DEPDC5: variants seen among roughly 807,000 people sequenced by gnomAD.
The protein encoded by DEPDC5 is GATOR1 complex protein DEPDC5.
A neutral mutation model predicts 217.3 loss-of-function variants in DEPDC5; 73 were observed. The ratio of observed to expected loss-of-function variants is 0.34; its 90% CI spans 0.28 to 0.41. The LOEUF (loss-of-function observed/expected upper bound fraction) is 0.41. Ranked by LOEUF, DEPDC5 falls within the 10% of genes least tolerant of loss-of-function variation. The pLI is 1.00. For synonymous variants in DEPDC5, 733 were observed against 756.7 expected (o/e 0.97, Z 0.51); for missense variants, 1,675 against 2,070.1 (o/e 0.81, Z 3.70).
intron 19 of DEPDC5, among the ~76,000 whole-genome samples, chr22:31,810,197 C>G (rs938512894): frequency 6.6e-6 from 1 of 152,124 alleles, no homozygotes; most frequent in Non-Finnish European, 1.5e-5. Context: ...TTTTAAACTA[C>G]TAAACATATT....
chr22:31,796,491 C>T (rs1301740576), intron 12 of DEPDC5, among the ~76,000 whole-genome samples: 1 of 152,186 alleles, frequency 6.6e-6, no homozygotes, highest in African/African-American at 2.4e-5. Flanking sequence ...CTATTCTCAA[C>T]AGTATTGCCA....
chr22:31,864,526 T>TATATATATATA lies in DEPDC5; in HGVS notation c.3330+3093_3330+3094insATATATATATA, dbSNP rs1335760559. Among the ~76,000 whole-genome samples the TATATATATATA allele has an allele frequency of 5.2e-3, 614 of 117,570 alleles. 3 individuals carry two copies. Among genetic ancestry groups the TATATATATATA allele is most frequent in the South Asian group, 0.012 (43 of 3,728 alleles). The allele number at this position is 117,570 out of a possible 152,430, so 77.1% of individuals were successfully genotyped here. A position where few individuals can be genotyped will look rare whatever the true frequency, so the allele number is the denominator to read the frequency against. On this transcript the variant is annotated intron_variant, in intron 33 of 42. Coordinates refer to ENST00000651528, the MANE Select transcript of DEPDC5 (RefSeq NM_001242896.3). The stretch of plus-strand genomic sequence containing the variant: ...AATATATATATATATATATATATAT[T>TATATATATATA]TATATATTTATTTATTTACTGTGTG...
chr22:31,754,254 A>T (rs923185962), intron 1 of DEPDC5, 90 bp downstream of exon 1: 3 of 154,038 alleles, frequency 1.9e-5, no homozygotes, highest in Non-Finnish European at 2.9e-5. Flanking sequence ...CTCCATCCCC[A>T]TTCCGCTGTG....
intron 22 of DEPDC5, among the ~76,000 whole-genome samples, chr22:31,820,601 C>T (rs1180671775): frequency 6.6e-6 from 1 of 152,160 alleles, no homozygotes. Context: ...ATCAGTCACA[C>T]TACTTGTTTC....
chr22:31,806,281 C>T, intron 18 of DEPDC5, 90 bp downstream of exon 18: 1 of 1,157,970 alleles, frequency 8.6e-7, no homozygotes, highest in Non-Finnish European at 1.2e-6. Context: ...CCTGTTTCAG[C>T]CTCCCAAAGT....
At chr22:31,862,929 G>A (rs1447166480) in intron 33 of DEPDC5, among the ~76,000 whole-genome samples, 1 of 152,146 alleles carries the variant, frequency 6.6e-6, no homozygotes, top group Non-Finnish European at 1.5e-5. Flanking sequence ...TTTTTTAGAG[G>A]TAGTATCTTA....
chr22:31,758,532 G>A lies in DEPDC5; in HGVS notation c.59-14G>A, dbSNP rs1487810868. ...GAGTGTTTTTCTACTTGAAGTGGCT[G>A]AATTGTCTTTCAGATGATGAGCTAG... On this transcript the variant is annotated splice_polypyrimidine_tract_variant and intron_variant, in intron 2 of 42. Coordinates refer to ENST00000651528, the MANE Select transcript of DEPDC5 (RefSeq NM_001242896.3). 6.2e-7 allele frequency: 1 copy of A among 1,613,330 alleles called. No homozygotes were observed.
intron 12 of DEPDC5, among the ~76,000 whole-genome samples, chr22:31,795,065 A>ATTT (rs983604458): frequency 3.0e-4 from 32 of 107,362 alleles, no homozygotes; most frequent in Admixed American, 6.6e-4. Context: ...ATTCCATGTG[A>ATTT]TTTTTTTTTT....
At chr22:31,764,262 T>TA (rs1156545843) in intron 4 of DEPDC5, among the ~76,000 whole-genome samples, 1 of 152,144 alleles carries the variant, frequency 6.6e-6, no homozygotes, top group African/African-American at 2.4e-5. Context: ...ACCTTCCCCT[T>TA]ATCTCCTGCC....
At position 31,839,933 on chromosome 22, in the gene DEPDC5, C is replaced by T. The variant is rs1034439916; in HGVS notation, c.2515+1088C>T. On this transcript the variant is annotated intron_variant, in intron 27 of 42. Coordinates refer to ENST00000651528, the MANE Select transcript of DEPDC5 (RefSeq NM_001242896.3). Reference sequence around the variant, plus strand: ...ATCCCTTGAGCCCAGGAGTTCAAGACTGGCCTAGGCAATGTAGGGAGACCC... The same window carrying T: ...ATCCCTTGAGCCCAGGAGTTCAAGATTGGCCTAGGCAATGTAGGGAGACCC... Among the ~76,000 whole-genome samples, 4 of 151,992 alleles carry T rather than the reference C, an allele frequency of 2.6e-5. No individual in the cohort carries two copies. In the East Asian group the frequency reaches 7.7e-4, roughly 29 times the overall value.
chr22:31,796,617 C>T (rs2086269948), intron 12 of DEPDC5, among the ~76,000 whole-genome samples: 1 of 152,142 alleles, frequency 6.6e-6, no homozygotes. Flanking sequence ...TCTATTTGTA[C>T]AGCCAGTGTA....
intron 33 of DEPDC5, among the ~76,000 whole-genome samples, chr22:31,866,969 T>C (rs1400527487): frequency 6.6e-6 from 1 of 152,232 alleles, no homozygotes; most frequent in Admixed American, 6.5e-5. Context: ...AGTTACTATG[T>C]TTTCCTTTTT....
At chr22:31,776,636 A>T (rs1257926915) in intron 7 of DEPDC5, among the ~76,000 whole-genome samples, 1 of 143,360 alleles carries the variant, frequency 7.0e-6, no homozygotes, top group African/African-American at 2.6e-5. Context: ...GAGTGCAATA[A>T]CACGATCTTG....
chr22:31,889,316 A>G (rs531129701), intron 38 of DEPDC5, among the ~76,000 whole-genome samples: 1 of 152,322 alleles, frequency 6.6e-6, no homozygotes, highest in Admixed American at 6.5e-5. Context: ...GTACTGCCAA[A>G]TCTATCCCCA....
intron 31 of DEPDC5, among the ~76,000 whole-genome samples, chr22:31,856,936 A>AT (rs1236903106): frequency 6.6e-6 from 1 of 151,888 alleles, no homozygotes; most frequent in Non-Finnish European, 1.5e-5. Flanking sequence ...CACCGGGCTA[A>AT]TTTTTTGTAT....
At chr22:31,831,588 G>A (rs1488788168) in intron 24 of DEPDC5, among the ~76,000 whole-genome samples, 1 of 152,014 alleles carries the variant, frequency 6.6e-6, no homozygotes, top group Non-Finnish European at 1.5e-5. Flanking sequence ...AACCTCCCGA[G>A]TAGCTGGGAT....
At chr22:31,837,394 G>A (rs996244685) in intron 26 of DEPDC5, 1 of 553,126 alleles carries the variant, frequency 1.8e-6, no homozygotes, top group Non-Finnish European at 3.1e-6. Flanking sequence ...TCTGTCGCTC[G>A]GGTTGGAGTA....
intron 38 of DEPDC5, among the ~76,000 whole-genome samples, chr22:31,885,412 G>A (rs560495655): frequency 1.2e-4 from 19 of 152,254 alleles, no homozygotes; most frequent in African/African-American, 4.3e-4. Flanking sequence ...TCCCTCACTT[G>A]CTTCAAGTCT....
intron 24 of DEPDC5, 72 bp downstream of exon 24, chr22:31,822,862 A>G: frequency 6.8e-7 from 1 of 1,464,982 alleles, no homozygotes; most frequent in South Asian, 1.2e-5. Flanking sequence ...CACAAGGGCC[A>G]GAAAAGCAGG....
Sources: allele counts gnomAD v4.1 joint callset (sites outside exome capture counted in the v4.1 genomes callset), GRCh38; gene constraint gnomAD v4.1.1; transcripts MANE v1.5; gene names NCBI Gene and HGNC (gene_info 2026-07-23, HGNC 2026-07-21).